PRDM4: variants seen among roughly 807,000 people sequenced by gnomAD.
PRDM4 encodes the protein PR/SET domain 4.
In PRDM4, 38 loss-of-function variants were observed where a neutral mutation model predicts 62.3. The ratio of observed to expected loss-of-function variants is 0.61; its 90% CI spans 0.47 to 0.80. The LOEUF (loss-of-function observed/expected upper bound fraction) is 0.80. Ranked by LOEUF, PRDM4 falls within the 30% of genes least tolerant of loss-of-function variation. PRDM4 has a pLI of 0.00. For missense variants in PRDM4, 858 were observed against 997.1 expected (o/e 0.86, Z 1.88); for synonymous variants, 339 against 348.2 (o/e 0.97, Z 0.30).
chr12:107,755,905 T>C (rs535779066), intron 3 of PRDM4, among the ~76,000 whole-genome samples: 4 of 152,264 alleles, frequency 2.6e-5, no homozygotes, highest in African/African-American at 7.2e-5. Flanking sequence ...GCTAATATGG[T>C]GAAACCCCGT....
intron 5 of PRDM4, among the ~76,000 whole-genome samples, chr12:107,747,159 C>T (rs1178988406): frequency 6.6e-6 from 1 of 151,944 alleles, no homozygotes; most frequent in African/African-American, 2.4e-5. Flanking sequence ...AAAAATAGCA[C>T]CATATTACTT....
At chr12:107,743,341 T>C in intron 7 of PRDM4, 59 bp from the exon 8 acceptor site, 4 of 1,252,268 alleles carry the variant, frequency 3.2e-6, no homozygotes, top group Non-Finnish European at 4.7e-6. Context: ...AAGCACTACA[T>C]TACACTTAGG....
chr12:107,748,575 T>A (rs1890792959), intron 5 of PRDM4, among the ~76,000 whole-genome samples: 1 of 152,124 alleles, frequency 6.6e-6, no homozygotes, highest in South Asian at 2.1e-4. Flanking sequence ...AGAAACTAGA[T>A]CCAGAAGGCC....
In PRDM4 at chr12:107,760,587, G is replaced by C. The variant is rs376829061; in HGVS notation, c.-72C>G. Reference sequence around the variant, plus strand: ...AACAGGCATCAGGGTTTGCGTTCCAGGGTCACGTGCTACCACATCTTGCTC... The same window carrying C: ...AACAGGCATCAGGGTTTGCGTTCCACGGTCACGTGCTACCACATCTTGCTC... On this transcript the variant is annotated 5_prime_UTR_variant, in exon 2 of 12. Transcript: ENST00000228437. 8 of 1,580,340 alleles carry C rather than the reference G, an allele frequency of 5.1e-6. No individual in the cohort carries two copies. The highest frequency in any genetic ancestry group is 6.9e-6 in the Non-Finnish European group (8 of 1,157,444).
intron 11 of PRDM4, 45 bp downstream of exon 11, chr12:107,739,338 G>A: frequency 5.0e-6 from 8 of 1,589,656 alleles, no homozygotes; most frequent in Non-Finnish European, 6.9e-6. Flanking sequence ...GCCACACAAA[G>A]GCTCACCACC....
intron 5 of PRDM4, among the ~76,000 whole-genome samples, chr12:107,750,287 T>C (rs1415776778): frequency 6.6e-6 from 1 of 152,162 alleles, no homozygotes; most frequent in Non-Finnish European, 1.5e-5. Context: ...GGCTCACACC[T>C]GTAATCCTAG....
intron 5 of PRDM4, among the ~76,000 whole-genome samples, chr12:107,747,954 T>C (rs555630706): frequency 1.3e-5 from 2 of 152,124 alleles, no homozygotes; most frequent in Non-Finnish European, 1.5e-5. Flanking sequence ...GGTTTTGCCA[T>C]GTTGCCTAGG....
intron 4 of PRDM4, 130 bp from the exon 5 acceptor site, chr12:107,752,339 A>T (rs1890922104): frequency 1.4e-6 from 1 of 703,080 alleles, no homozygotes. Context: ...TTTAATCGAT[A>T]CACACTATTT....
intron 11 of PRDM4, chr12:107,738,505 A>C (rs1038854078): frequency 3.3e-5 from 5 of 152,244 alleles, no homozygotes; most frequent in African/African-American, 1.2e-4. Context: ...ATTTCTAAAG[A>C]GAATTTCCAT....
At chr12:107,739,688 G>T in intron 10 of PRDM4, 137 bp from the exon 11 acceptor site, 1 of 846,984 alleles carries the variant, frequency 1.2e-6, no homozygotes, top group Non-Finnish European at 1.8e-6. Context: ...TACTTTCTAG[G>T]GTTGTCTATG....
chr12:107,745,445 G>A (rs2136318988), intron 6 of PRDM4, among the ~76,000 whole-genome samples: 1 of 152,112 alleles, frequency 6.6e-6, no homozygotes, highest in East Asian at 1.9e-4. Flanking sequence ...GCATATGCCT[G>A]TAGTCCCAGC....
intron 6 of PRDM4, 145 bp downstream of exon 6, chr12:107,746,130 C>T: frequency 1.0e-6 from 1 of 987,186 alleles, no homozygotes; most frequent in Middle Eastern, 2.6e-4. Context: ...GTGGACAAGA[C>T]TAATATTCCA....
At chr12:107,746,924 G>T (rs1189616776) in intron 5 of PRDM4, among the ~76,000 whole-genome samples, 1 of 152,098 alleles carries the variant, frequency 6.6e-6, no homozygotes, top group Admixed American at 6.6e-5. Context: ...ACTTCAGTAA[G>T]ATCTGATTTT....
At chr12:107,743,160 A>G in intron 8 of PRDM4, 37 bp downstream of exon 8, 1 of 1,484,234 alleles carries the variant, frequency 6.7e-7, no homozygotes, top group Non-Finnish European at 9.4e-7. Flanking sequence ...AAACATCTAA[A>G]TGGTAACTAT....
In PRDM4 at chr12:107,743,282, T is replaced by A. The variant is rs773554206; in HGVS notation, c.1396A>T (p.Ile466Leu). 3 of 1,606,492 alleles carry A rather than the reference T, an allele frequency of 1.9e-6. No homozygotes were observed. The highest frequency in any genetic ancestry group is 1.3e-5 in the African/African-American group (1 of 74,758). ...AATTCTAGGACACCATTGTGGTATA[T>A]CTGCCAACAGAAAGCAAGCACACAT... Reference protein sequence around the residue: ...TDKAVNHIWKIYHNGVLEFCI... With the variant: ...TDKAVNHIWKLYHNGVLEFCI... Residue 466 changes from isoleucine to leucine, a missense_variant and splice_region_variant, in exon 8 of 12, where the codon ATA (isoleucine) becomes TTA (leucine). Physicochemically the swap from Ile to Leu is conservative, Grantham distance 5 (BLOSUM62 2). This residue lies in a region of PRDM4 where 355 missense variants were observed against 432.6 expected (regional missense o/e 0.82). Transcript: ENST00000228437.
chr12:107,751,703 T>A lies in PRDM4; in HGVS notation c.838A>T (p.Met280Leu). The change falls in exon 5 of 12, where the codon ATG becomes TTG. Residue 280 changes from methionine (M) to leucine (L), a missense_variant. By Grantham distance (15) the Met-to-Leu change is conservative (BLOSUM62 2). Coordinates refer to ENST00000228437, the MANE Select transcript of PRDM4 (RefSeq NM_012406.4). ...GAGTCACTGAGGGCACTGTCAGACATGCCATTGACCCGACTTGCAATGTGG... is the reference window on the plus strand; with the variant it reads ...GAGTCACTGAGGGCACTGTCAGACAAGCCATTGACCCGACTTGCAATGTGG... ...TDHIASRVNG[M>L]SDSALSDSIH... is the part of the protein sequence containing the mutation. The A allele has an allele frequency of 2.5e-6, 4 of 1,614,138 alleles. No homozygotes were observed. The highest frequency in any genetic ancestry group is 3.4e-6 in the Non-Finnish European group (4 of 1,180,028).
chr12:107,734,917 G>A lies in PRDM4; in HGVS notation c.2094-395C>T, dbSNP rs905420286. Among the ~76,000 whole-genome samples, 21 of 152,138 alleles carry A rather than the reference G, an allele frequency of 1.4e-4. 1 individual carries two copies. Among genetic ancestry groups the A allele is most frequent in the African/African-American group, 3.9e-4 (16 of 41,432 alleles). ...GGTACTGGATTTGTCTCTAGCTAATGAATGTTTTGGTGGTTTCCAGTTTTT... is the reference window on the plus strand; with the variant it reads ...GGTACTGGATTTGTCTCTAGCTAATAAATGTTTTGGTGGTTTCCAGTTTTT... On this transcript the variant is annotated intron_variant, in intron 11 of 11. Coordinates refer to ENST00000228437, the MANE Select transcript of PRDM4 (RefSeq NM_012406.4).
In PRDM4 at chr12:107,741,173, T is replaced by G; in HGVS notation, c.1697A>C (p.His566Pro). The change falls in exon 10 of 12, where the codon CAC (histidine) becomes CCC (proline). Residue 566 changes from histidine (H) to proline (P), a missense_variant. Coordinates refer to ENST00000228437, the MANE Select transcript of PRDM4 (RefSeq NM_012406.4). ...YTEFKAHLTSHIHNHLPTQGH... is the reference protein window; with the variant it reads ...YTEFKAHLTSPIHNHLPTQGH... ...CTGGGTAGGAAGATGGTTATGGATG[T>G]GGCTGGTCAGATGGGCTTTGAACTC... 1.2e-6 allele frequency: 2 copies of G among 1,614,170 alleles called. No individual in the cohort carries two copies. The highest frequency in any genetic ancestry group is 1.7e-6 in the Non-Finnish European group (2 of 1,180,030).
In PRDM4 at chr12:107,751,890, A is replaced by G. The variant is rs1890906861; in HGVS notation, c.651T>C (p.Gly217=). The change falls in exon 5 of 12, where the codon GGT becomes GGC. Residue 217 remains glycine (G), a synonymous_variant. Transcript: ENST00000228437. ...DGMAEELTMD[G]VAGEHSQIPN... ...GGATTTGGGAATGCTCGCCTGCAAC[A>G]CCGTCCATCGTAAGCTCCTCTGCCA... The G allele has an allele frequency of 4.3e-6, 7 of 1,614,086 alleles. No homozygotes were observed. Among genetic ancestry groups the G allele is most frequent in the South Asian group, 1.1e-5 (1 of 91,082 alleles).
Sources: allele counts gnomAD v4.1 joint callset (sites outside exome capture counted in the v4.1 genomes callset), GRCh38; gene constraint gnomAD v4.1.1; regional missense constraint gnomAD v4.1.1; transcripts MANE v1.5; gene names NCBI Gene and HGNC (gene_info 2026-07-23, HGNC 2026-07-21).